IL12RB1: variants seen among roughly 807,000 people sequenced by gnomAD.
The protein encoded by IL12RB1 is interleukin-12 receptor subunit beta-1.
A neutral mutation model predicts 94.4 loss-of-function variants in IL12RB1; 64 were observed. The observed-to-expected ratio is 0.68, with a 90% CI of 0.55 to 0.83. The LOEUF (loss-of-function observed/expected upper bound fraction) is 0.83, where lower values mean the gene tolerates loss of function less well. IL12RB1 is among the 40% of genes least tolerant of loss of function. The pLI, the probability that IL12RB1 is intolerant of heterozygous loss-of-function variation, is 0.00. For synonymous variants in IL12RB1, 362 were observed against 355.5 expected (o/e 1.02, Z -0.21); for missense variants, 814 against 855.6 (o/e 0.95, Z 0.61).
chr19:18,082,244 C>T lies in IL12RB1; in HGVS notation c.145G>A (p.Asp49Asn), dbSNP rs767782063. ...ADSGSASGPR[D>N]LRCYRISSDR... ...CTGGATATCCGATAGCATCTCAGGT[C>T]CCTAGGGCCCGAGGCCGAGCCTGGA... The change falls in exon 3 of 17, where the codon GAC becomes AAC. Residue 49 changes from aspartate (D) to asparagine (N), a missense_variant. Transcript: ENST00000593993. 1.9e-5 allele frequency: 30 copies of T among 1,612,496 alleles called. No homozygotes were observed. The South Asian group carries it at 3.3e-4, about 18-fold the overall frequency.
chr19:18,076,686 G>A (rs909483551), intron 5 of IL12RB1, among the ~76,000 whole-genome samples: 3 of 152,106 alleles, frequency 2.0e-5, no homozygotes, highest in Non-Finnish European at 2.9e-5. Flanking sequence ...GATTACAGGC[G>A]TGAGCCACCG....
Position 18,061,167 on chromosome 19 carries a change from G to A in IL12RB1, c.1746C>T (p.Pro582=), listed in dbSNP as rs759839534. ...RAARHLCPPL[P]TPCASSAIEF... ...CAATGGCGGAGCTGGCACAGGGTGT[G>A]GGCAGCGGCGGGCACAGGTGCCGTG... Residue 582 remains proline, a synonymous_variant, in exon 15 of 17, where the codon CCC becomes CCT. Transcript: ENST00000593993. The A allele has an allele frequency of 9.4e-6, 15 of 1,597,188 alleles. No homozygotes were observed. The highest frequency in any genetic ancestry group is 1.3e-5 in the Non-Finnish European group (15 of 1,170,496).
chr19:18,076,019 C>T (rs2035449679), intron 6 of IL12RB1, 151 bp from the exon 7 acceptor site: 2 of 757,002 alleles, frequency 2.6e-6, no homozygotes, highest in Admixed American at 2.0e-5. Flanking sequence ...AGGCCCTGTC[C>T]TCTTAGGGCC....
At chr19:18,087,203 C>T (rs1444355782), upstream of IL12RB1, among the ~76,000 whole-genome samples, 1 of 146,364 alleles carries the variant, frequency 6.8e-6, no homozygotes, top group Non-Finnish European at 1.5e-5. Flanking sequence ...CTGGCCCTCT[C>T]TAGCCAATTT....
At chr19:18,080,055 C>CT (rs949769363) in intron 4 of IL12RB1, among the ~76,000 whole-genome samples, 7 of 151,158 alleles carry the variant, frequency 4.6e-5, no homozygotes, top group South Asian at 2.1e-4. Context: ...TTTCTTTTTT[C>CT]TTTTTTTTCT....
intron 2 of IL12RB1, among the ~76,000 whole-genome samples, chr19:18,082,918 A>G (rs1206151609): frequency 6.6e-6 from 1 of 151,962 alleles, no homozygotes; most frequent in African/African-American, 2.4e-5. Context: ...CCTGGTCTCT[A>G]CTAAAAATAC....
intron 1 of IL12RB1, among the ~76,000 whole-genome samples, chr19:18,084,866 T>C (rs1163842865): frequency 6.6e-6 from 1 of 152,184 alleles, no homozygotes; most frequent in African/African-American, 2.4e-5. Flanking sequence ...ACCAACAGTC[T>C]GGAGGGCAGA....
upstream of IL12RB1, among the ~76,000 whole-genome samples, chr19:18,087,451 C>T (rs543481941): frequency 6.6e-6 from 1 of 151,994 alleles, no homozygotes; most frequent in Non-Finnish European, 1.5e-5. Flanking sequence ...CCTAAGTGAT[C>T]CACCCACCTC....
At chr19:18,059,841 A>AC (rs2033989305) in intron 16 of IL12RB1, 53 bp downstream of exon 16, 2 of 745,016 alleles carry the variant, frequency 2.7e-6, no homozygotes, top group Admixed American at 2.6e-5. Flanking sequence ...TAGCCCCCCC[A>AC]CCCCCCGGGC....
At chr19:18,088,937 G>A (rs553804683), upstream of IL12RB1, among the ~76,000 whole-genome samples, 3 of 151,642 alleles carry the variant, frequency 2.0e-5, no homozygotes, top group Admixed American at 1.3e-4. Flanking sequence ...GGCTGAGGCA[G>A]AGAGAATTAC....
At position 18,073,465 on chromosome 19, in the gene IL12RB1, C is replaced by T. The variant is rs866490875; in HGVS notation, c.783+52G>A. 6.6e-5 allele frequency: 73 copies of T among 1,113,038 alleles called. 1 individual carries two copies. Among genetic ancestry groups the T allele is most frequent in the South Asian group, 5.8e-4 (47 of 80,938 alleles). 68.9% of individuals were successfully genotyped at this position (1,113,038 alleles called of 1,614,324 possible). ...TGCTCATCCCCCGCCTAGGCTTTTG[C>T]CTCCTGCTCCCCATCCCAGGCCACC... On this transcript the variant is annotated intron_variant, in intron 8 of 16. Transcript: ENST00000593993.
upstream of IL12RB1, among the ~76,000 whole-genome samples, chr19:18,089,347 C>T (rs1052356878): frequency 6.6e-6 from 1 of 151,966 alleles, no homozygotes; most frequent in Non-Finnish European, 1.5e-5. Context: ...ATTTCCGGCC[C>T]GGGCGCGGTG....
At chr19:18,094,247 G>GC (rs1568533223) in intron 1 of IL12RB1, among the ~76,000 whole-genome samples, 1 of 152,178 alleles carries the variant, frequency 6.6e-6, no homozygotes, top group Non-Finnish European at 1.5e-5. Flanking sequence ...TCCTGCCTCA[G>GC]CCCCCCGAGT....
rs148043883 is a variant in IL12RB1 at position 18,083,457 on chromosome 19, G to A, written c.99C>T (p.Asp33=). 1.2e-5 allele frequency: 20 copies of A among 1,613,884 alleles called. No homozygotes were observed. The highest frequency in any genetic ancestry group is 1.6e-5 in the Non-Finnish European group (19 of 1,179,978). ...ACRTSECCFQ[D]PPYPDADSGS... Reference sequence around the variant, plus strand: ...CTGAGTCTGCATCCGGATATGGCGGGTCCTGAAAACAGCACTCACTGGTTC... The same window carrying A: ...CTGAGTCTGCATCCGGATATGGCGGATCCTGAAAACAGCACTCACTGGTTC... The change falls in exon 2 of 17, where the codon GAC becomes GAT. Residue 33 remains aspartate (D), a synonymous_variant. Transcript: ENST00000593993.
intron 5 of IL12RB1, 55 bp from the exon 6 acceptor site, chr19:18,076,382 T>A (rs1325246567): frequency 9.0e-6 from 8 of 891,544 alleles, no homozygotes; most frequent in Non-Finnish European, 1.3e-5. Flanking sequence ...GAAAAATATT[T>A]GCTGTTTTAC....
At chr19:18,087,747 C>T (rs1053606414), upstream of IL12RB1, among the ~76,000 whole-genome samples, 2 of 151,826 alleles carry the variant, frequency 1.3e-5, no homozygotes, top group Non-Finnish European at 2.9e-5. Flanking sequence ...GTCTCAAACT[C>T]CCGGGTTCAA....
chr19:18,061,697 C>T (rs931045690), intron 14 of IL12RB1, among the ~76,000 whole-genome samples: 3 of 151,994 alleles, frequency 2.0e-5, no homozygotes. Context: ...CCTATCTCTA[C>T]TGAAAATACA....
chr19:18,061,121 C>T lies in IL12RB1; in HGVS notation c.1791+1G>A, dbSNP rs781467490. On this transcript the variant is annotated splice_donor_variant, in intron 15 of 16. Transcript: ENST00000593993. LOFTEE classifies it high-confidence loss of function. ...CTTGGAATTAGAAAAGGCATCCTTA[C>T]CTCCTTCCCTCCAGGGAACTCAATG... The T allele has an allele frequency of 5.2e-6, 8 of 1,552,654 alleles. No homozygotes were observed. The highest frequency in any genetic ancestry group is 3.4e-5 in the Admixed American group (2 of 58,206).
intron 1 of IL12RB1, among the ~76,000 whole-genome samples, chr19:18,092,874 C>T (rs2036698438): frequency 6.6e-6 from 1 of 152,108 alleles, no homozygotes; most frequent in Non-Finnish European, 1.5e-5. Context: ...ACCACACTTC[C>T]TGATGTCCCT....
Sources: allele counts gnomAD v4.1 joint callset (sites outside exome capture counted in the v4.1 genomes callset), GRCh38; gene constraint gnomAD v4.1.1; transcripts MANE v1.5; gene names NCBI Gene and HGNC (gene_info 2026-07-23, HGNC 2026-07-21).